ALCAM: variants seen among roughly 807,000 people sequenced by gnomAD.
ALCAM encodes the protein activated leukocyte cell adhesion molecule.
In ALCAM, 30 loss-of-function variants were observed where a neutral mutation model predicts 70.9. That is an observed-to-expected ratio of 0.42 (90% CI 0.32 to 0.57). ALCAM has a LOEUF of 0.57. Ranked by LOEUF, ALCAM falls within the 20% of genes least tolerant of loss-of-function variation. The pLI is 0.11. For missense variants in ALCAM, 591 were observed against 695.1 expected (o/e 0.85, Z 1.68); for synonymous variants, 249 against 242.5 (o/e 1.03, Z -0.25).
chr3:105,400,223 A>G (rs1378796300), intron 1 of ALCAM, among the ~76,000 whole-genome samples: 1 of 152,162 alleles, frequency 6.6e-6, no homozygotes, highest in African/African-American at 2.4e-5. Context: ...TATTTTTCTT[A>G]TAGCATGTTT....
intron 1 of ALCAM, among the ~76,000 whole-genome samples, chr3:105,449,418 A>G (rs181304097): frequency 1.2e-3 from 182 of 152,372 alleles, no homozygotes; most frequent in Non-Finnish European, 2.4e-3. Context: ...TAGCAGGTGG[A>G]TATTTCCAAC....
intron 1 of ALCAM, among the ~76,000 whole-genome samples, chr3:105,374,263 C>A (rs1396776152): frequency 2.6e-5 from 4 of 152,016 alleles, no homozygotes; most frequent in South Asian, 2.1e-4. Flanking sequence ...ATTATAAGAA[C>A]CTAATTCTGG....
In ALCAM at chr3:105,552,707, A is replaced by C. The variant is rs902595783; in HGVS notation, c.1664+122A>C. On this transcript the variant is annotated intron_variant, in intron 14 of 15. Transcript: ENST00000306107. ...ATACAATAAGGAAGATGTATCCCCA[A>C]ATCAGGTTGATTATATATTTTGTTT... The C allele has an allele frequency of 9.8e-6, 15 of 1,536,266 alleles. No individual in the cohort carries two copies. In the Admixed American group the frequency reaches 3.0e-4, roughly 30 times the overall value.
chr3:105,446,680 G>T (rs944045841), intron 1 of ALCAM, among the ~76,000 whole-genome samples: 10 of 150,486 alleles, frequency 6.6e-5, no homozygotes, highest in African/African-American at 7.4e-5. Flanking sequence ...CCCTAAAAAA[G>T]CATGAAATCA....
chr3:105,549,052 CA>C (rs1940323895), intron 11 of ALCAM, among the ~76,000 whole-genome samples: 1 of 151,178 alleles, frequency 6.6e-6, no homozygotes, highest in Admixed American at 6.6e-5. Context: ...GTAACAAAAA[CA>C]AAGATTCCGT....
At chr3:105,428,572 C>T (rs1254621430) in intron 1 of ALCAM, among the ~76,000 whole-genome samples, 1 of 151,756 alleles carries the variant, frequency 6.6e-6, no homozygotes, top group Non-Finnish European at 1.5e-5. Context: ...GAGCAAAGTG[C>T]AAAGATAGAC....
rs76411680 is a variant in ALCAM at position 105,461,293 on chromosome 3, A to G, written c.74-58774A>G. On this transcript the variant is annotated intron_variant, in intron 1 of 15. Transcript: ENST00000306107. ...GGAAAACTATATTTTTGTTCGTTCA[A>G]TGTCACATGAATATCTGCAACTAAC... is the stretch of plus-strand genomic sequence containing the variant. Among the ~76,000 whole-genome samples, 762 of 151,918 alleles carry G rather than the reference A, an allele frequency of 5.0e-3. 10 individuals are homozygous for G. The highest frequency in any genetic ancestry group is 0.014 in the Middle Eastern group (4 of 294).
At chr3:105,552,768 A>G (rs2152632227) in intron 14 of ALCAM, 183 bp downstream of exon 14, 2 of 1,412,304 alleles carry the variant, frequency 1.4e-6, no homozygotes, top group Non-Finnish European at 1.8e-6. Flanking sequence ...TGTCAGGGAC[A>G]TGGCTTGGGA....
At chr3:105,549,585 T>C (rs17189452) in intron 11 of ALCAM, among the ~76,000 whole-genome samples, 1 of 151,136 alleles carries the variant, frequency 6.6e-6, no homozygotes, top group Non-Finnish European at 1.5e-5. Flanking sequence ...CTCACAAACA[T>C]CAGAGGGACA....
At chr3:105,380,942 T>C (rs1178691337) in intron 1 of ALCAM, among the ~76,000 whole-genome samples, 2 of 151,990 alleles carry the variant, frequency 1.3e-5, no homozygotes, top group Non-Finnish European at 2.9e-5. Flanking sequence ...TTATTGTGCT[T>C]ACTTTCCATT....
chr3:105,491,867 C>A (rs148074174), intron 1 of ALCAM, among the ~76,000 whole-genome samples: 2,811 of 152,302 alleles, frequency 0.018, 28 homozygotes, highest in Middle Eastern at 0.051. Context: ...TTCTTCTGAA[C>A]CCCCCAAATG....
intron 1 of ALCAM, among the ~76,000 whole-genome samples, chr3:105,496,065 T>C (rs184680049): frequency 3.3e-5 from 5 of 152,286 alleles, no homozygotes; most frequent in Non-Finnish European, 5.9e-5. Context: ...ATCAGAAAAC[T>C]TAAGGGACGT....
Position 105,552,448 on chromosome 3 carries a change from A to G in ALCAM, c.1547-20A>G. The G allele has an allele frequency of 6.2e-7, 1 of 1,604,412 alleles. No individual in the cohort carries two copies. The highest frequency in any genetic ancestry group is 2.2e-5 in the East Asian group (1 of 44,774). The stretch of plus-strand genomic sequence containing the variant: ...CTTGGCATTGTCTGTAATTGCATGG[A>G]CTTTTCTTCTTTGTTGCAGATGAAA... On this transcript the variant is annotated intron_variant, in intron 13 of 15. Coordinates refer to ENST00000306107, the MANE Select transcript of ALCAM (RefSeq NM_001627.4).
At chr3:105,571,490 A>T (rs1373438677) in intron 14 of ALCAM, among the ~76,000 whole-genome samples, 5 of 152,156 alleles carry the variant, frequency 3.3e-5, no homozygotes, top group African/African-American at 9.7e-5. Context: ...CCTTAAGAAA[A>T]TTTTTTTGGA....
At chr3:105,473,248 A>G (rs1361646544) in intron 1 of ALCAM, among the ~76,000 whole-genome samples, 1 of 151,656 alleles carries the variant, frequency 6.6e-6, no homozygotes, top group African/African-American at 2.4e-5. Flanking sequence ...TTTAATTTGC[A>G]GTTCAATCAT....
intron 1 of ALCAM, among the ~76,000 whole-genome samples, chr3:105,428,534 A>C (rs1936850764): frequency 6.6e-6 from 1 of 151,900 alleles, no homozygotes; most frequent in African/African-American, 2.4e-5. Context: ...ATTTTGTGCC[A>C]ATTTCATGAA....
intron 1 of ALCAM, among the ~76,000 whole-genome samples, chr3:105,385,530 G>T (rs1195773250): frequency 6.6e-6 from 1 of 151,556 alleles, no homozygotes; most frequent in Non-Finnish European, 1.5e-5. Context: ...TTGCCATGAC[G>T]CTTAATTGAT....
At chr3:105,483,269 A>T (rs1001252882) in intron 1 of ALCAM, among the ~76,000 whole-genome samples, 2 of 152,142 alleles carry the variant, frequency 1.3e-5, no homozygotes, top group African/African-American at 4.8e-5. Context: ...ATTCATCAAT[A>T]AATATTTGCA....
At chr3:105,426,106 G>A (rs1473968573) in intron 1 of ALCAM, among the ~76,000 whole-genome samples, 1 of 151,826 alleles carries the variant, frequency 6.6e-6, no homozygotes, top group Non-Finnish European at 1.5e-5. Context: ...TAATTTGAGT[G>A]AGAGTCAGGG....
Sources: allele counts gnomAD v4.1 joint callset (sites outside exome capture counted in the v4.1 genomes callset), GRCh38; gene constraint gnomAD v4.1.1; transcripts MANE v1.5; gene names NCBI Gene and HGNC (gene_info 2026-07-23, HGNC 2026-07-21).